KITLG: variants seen among roughly 807,000 people sequenced by gnomAD.
The protein encoded by KITLG is KIT ligand.
Under a neutral mutation model 34.1 loss-of-function variants are expected in KITLG, and 13 were observed. That is an observed-to-expected ratio of 0.38 (90% confidence interval 0.25 to 0.61). The LOEUF is 0.61. KITLG is among the 20% of genes least tolerant of loss of function. The pLI, the probability that KITLG is intolerant of heterozygous loss-of-function variation, is 0.60. For synonymous variants in KITLG, 110 were observed against 104.0 expected (o/e 1.06, Z -0.35); for missense variants, 292 against 318.9 (o/e 0.92, Z 0.64).
intron 1 of KITLG, among the ~76,000 whole-genome samples, chr12:88,569,214 A>T (rs1871560105): frequency 1.3e-5 from 2 of 152,176 alleles, no homozygotes; most frequent in African/African-American, 4.8e-5. Context: ...CAGCCACCAC[A>T]TATTGGTGCC....
chr12:88,536,790 C>T (rs543553280), intron 2 of KITLG, among the ~76,000 whole-genome samples: 194 of 152,158 alleles, frequency 1.3e-3, no homozygotes, highest in South Asian at 3.1e-3. Flanking sequence ...ACAATGAGAA[C>T]ACATGGACAC....
rs1592572751 is a variant in KITLG at position 88,536,541 on chromosome 12, T to G, written c.130-4038A>C. 2.6e-5 allele frequency among the ~76,000 whole-genome samples: 4 copies of G among 152,300 alleles called. 1 individual carries two copies. In the South Asian group the frequency reaches 8.3e-4, roughly 32 times the overall value. On this transcript the variant is annotated intron_variant, in intron 2 of 9. Transcript: ENST00000644744. ...CTATAAAGACACATTCACACGTATG[T>G]TTATTGCGGCACTATTCACAATAGC...
intron 9 of KITLG, among the ~76,000 whole-genome samples, chr12:88,501,287 C>A (rs1868845723): frequency 6.6e-6 from 1 of 152,128 alleles, no homozygotes; most frequent in Non-Finnish European, 1.5e-5. Flanking sequence ...GGTGAAACTT[C>A]CATTTCAGGG....
intron 9 of KITLG, among the ~76,000 whole-genome samples, chr12:88,499,463 T>C (rs995360052): frequency 6.6e-6 from 1 of 152,190 alleles, no homozygotes; most frequent in Non-Finnish European, 1.5e-5. Flanking sequence ...AAACCCATGC[T>C]ATTTACTATC....
intron 1 of KITLG, among the ~76,000 whole-genome samples, chr12:88,560,800 T>G (rs1213784841): frequency 2.0e-5 from 3 of 151,450 alleles, no homozygotes; most frequent in African/African-American, 7.3e-5. Context: ...AAACCCCGTC[T>G]CTACTAAAAA....
intron 4 of KITLG, among the ~76,000 whole-genome samples, chr12:88,517,490 T>C (rs1293859194): frequency 6.6e-6 from 1 of 152,090 alleles, no homozygotes; most frequent in African/African-American, 2.4e-5. Flanking sequence ...GTGCCATGAT[T>C]AGTAAATGCA....
At chr12:88,525,306 A>G (rs1869825238) in intron 3 of KITLG, among the ~76,000 whole-genome samples, 1 of 152,182 alleles carries the variant, frequency 6.6e-6, no homozygotes, top group Admixed American at 6.5e-5. Flanking sequence ...TAGTGTCCTT[A>G]TAATAATGGG....
intron 1 of KITLG, among the ~76,000 whole-genome samples, chr12:88,549,382 G>GGTAGAAA (rs1263239741): frequency 2.6e-5 from 4 of 152,142 alleles, no homozygotes; most frequent in African/African-American, 9.7e-5. Context: ...AAATGAAACC[G>GGTAGAAA]ACAAGTTGGG....
intron 4 of KITLG, among the ~76,000 whole-genome samples, chr12:88,518,259 T>A (rs1156836571): frequency 6.6e-6 from 1 of 152,146 alleles, no homozygotes; most frequent in Admixed American, 6.5e-5. Context: ...TTGGTGATGA[T>A]CAGTTATCCA....
chr12:88,532,614 C>T lies in KITLG; in HGVS notation c.130-111G>A, dbSNP rs889259919. 2.1e-4 allele frequency: 147 copies of T among 715,372 alleles called. 1 individual carries two copies. Among genetic ancestry groups the T allele is most frequent in the Middle Eastern group, 1.6e-3 (4 of 2,542 alleles). The allele number at this position is 715,372 out of a possible 1,614,324, so 44.3% of individuals were successfully genotyped here. A position where few individuals can be genotyped will look rare whatever the true frequency, so the allele number is the denominator to read the frequency against. On this transcript the variant is annotated intron_variant, in intron 2 of 9. Coordinates refer to ENST00000644744, the MANE Select transcript of KITLG (RefSeq NM_000899.5). ...AAACTGTTGTGCTTTTTAAAGTTACCAATGAATTTCAATATTTACATGTAT... is the reference window on the plus strand; with the variant it reads ...AAACTGTTGTGCTTTTTAAAGTTACTAATGAATTTCAATATTTACATGTAT...
chr12:88,500,187 C>T (rs1173868130), intron 9 of KITLG, among the ~76,000 whole-genome samples: 5 of 152,214 alleles, frequency 3.3e-5, no homozygotes, highest in African/African-American at 4.8e-5. Context: ...ACTTAGTTTA[C>T]GCCATGTGCT....
intron 1 of KITLG, 188 bp from the exon 2 acceptor site, chr12:88,546,053 A>AT (rs1204907608): frequency 1.4e-6 from 1 of 693,282 alleles, no homozygotes; most frequent in African/African-American, 1.7e-5. Context: ...GTTAAAATCC[A>AT]TTTTGAATTA....
chr12:88,568,344 G>A (rs564934887), intron 1 of KITLG, among the ~76,000 whole-genome samples: 1 of 150,366 alleles, frequency 6.7e-6, no homozygotes, highest in African/African-American at 2.5e-5. Context: ...TATTTTTGTA[G>A]AGACAAGGTC....
chr12:88,544,368 T>C (rs535466627), intron 2 of KITLG, among the ~76,000 whole-genome samples: 1 of 152,258 alleles, frequency 6.6e-6, no homozygotes, highest in South Asian at 2.1e-4. Context: ...AGCCATCACA[T>C]GTTAAGTCTA....
At chr12:88,529,457 G>C (rs1345490349) in intron 3 of KITLG, among the ~76,000 whole-genome samples, 2 of 152,152 alleles carry the variant, frequency 1.3e-5, no homozygotes, top group African/African-American at 4.8e-5. Context: ...ATCACACCCT[G>C]CTATTTGTGA....
At chr12:88,535,172 C>A (rs563045322) in intron 2 of KITLG, among the ~76,000 whole-genome samples, 4 of 152,180 alleles carry the variant, frequency 2.6e-5, no homozygotes, top group African/African-American at 9.6e-5. Context: ...AATTCCATTT[C>A]ATGAATAATT....
intron 3 of KITLG, among the ~76,000 whole-genome samples, chr12:88,523,351 G>A (rs1464442596): frequency 6.6e-6 from 1 of 152,166 alleles, no homozygotes; most frequent in East Asian, 1.9e-4. Flanking sequence ...AGAAACGCGA[G>A]AAACCAGGAC....
chr12:88,493,496 A>AT lies in KITLG; in HGVS notation c.*3722_*3723insA, dbSNP rs1239999403. ...TGTGATCAAACTCCACAAATGAGCT[A>AT]ATTAGAATTTCAATCTGAATGGTTT... On this transcript the variant is annotated 3_prime_UTR_variant, in exon 10 of 10. Coordinates refer to ENST00000644744, the MANE Select transcript of KITLG (RefSeq NM_000899.5). 6.6e-6 allele frequency: 1 copy of AT among 152,160 alleles called. No homozygotes were observed. Among genetic ancestry groups the AT allele is most frequent in the East Asian group, 1.9e-4 (1 of 5,188 alleles). The allele number at this position is 152,160 out of a possible 1,614,324, so 9.4% of individuals were successfully genotyped here.
At chr12:88,545,711 A>G (rs747805497) in intron 2 of KITLG, 41 bp downstream of exon 2, 2 of 1,108,238 alleles carry the variant, frequency 1.8e-6, no homozygotes, top group Non-Finnish European at 2.7e-6. Context: ...AAAGAGCCAC[A>G]GCTCTTTTTT....
Sources: gnomAD v4.1 joint callset for allele counts (sites outside exome capture counted in the v4.1 genomes callset) on GRCh38, gnomAD v4.1.1 for gene constraint, MANE v1.5 for transcripts, NCBI Gene and HGNC (gene_info 2026-07-23, HGNC 2026-07-21) for gene names.